NMNAT3: variants seen among roughly 807,000 people sequenced by gnomAD.
NMNAT3 encodes the protein nicotinamide/nicotinic acid mononucleotide adenylyltransferase 3.
A neutral mutation model predicts 24.8 loss-of-function variants in NMNAT3; 21 were observed. That is an observed-to-expected ratio of 0.85 (90% CI 0.60 to 1.22). The LOEUF (loss-of-function observed/expected upper bound fraction) is 1.22. Among genes scored for constraint, NMNAT3 ranks in the 50% most tolerant of loss-of-function variants. The pLI is 0.00. For missense variants in NMNAT3, 387 were observed against 436.6 expected, an observed-to-expected ratio of 0.89 and a Z score of 1.01; for synonymous variants, 136 against 155.2, an observed-to-expected ratio of 0.88 and a Z score of 0.92.
intron 1 of NMNAT3, among the ~76,000 whole-genome samples, chr3:139,645,195 C>A (rs1298166126): frequency 6.6e-6 from 1 of 151,810 alleles, no homozygotes; most frequent in Non-Finnish European, 1.5e-5. Context: ...GAGTGAGACT[C>A]CATCTCAAAA....
At chr3:139,624,451 CT>C (rs112859077) in intron 3 of NMNAT3, among the ~76,000 whole-genome samples, 323 of 141,178 alleles carry the variant, frequency 2.3e-3, no homozygotes, top group Middle Eastern at 3.6e-3. Flanking sequence ...TTTATTGAGA[CT>C]TTTTTTTTTT....
intron 3 of NMNAT3, among the ~76,000 whole-genome samples, chr3:139,607,592 G>T (rs771540733): frequency 6.6e-6 from 1 of 152,088 alleles, no homozygotes; most frequent in Non-Finnish European, 1.5e-5. Flanking sequence ...ATAGAGCCAG[G>T]CTCATTTGTT....
Position 139,578,897 on chromosome 3 carries a change from A to T in NMNAT3, c.550T>A (p.Trp184Arg). 1.2e-6 allele frequency: 2 copies of T among 1,614,030 alleles called. No homozygotes were observed. Among genetic ancestry groups the T allele is most frequent in the Non-Finnish European group, 1.7e-6 (2 of 1,179,980 alleles). The change falls in exon 5 of 7, where the codon TGG becomes AGG. Residue 184 changes from tryptophan to arginine, a missense_variant. Transcript: ENST00000643695. ...CTCAGCACCTTCACTGTCTCCATCC[A>T]CTGTGCCTGCTCACTCTCCCAAGGG...
intron 3 of NMNAT3, among the ~76,000 whole-genome samples, chr3:139,614,147 A>AT (rs2055369710): frequency 6.6e-6 from 1 of 152,126 alleles, no homozygotes; most frequent in South Asian, 2.1e-4. Context: ...AATAATAATA[A>AT]AAAGAGATGC....
chr3:139,579,080 T>G, intron 4 of NMNAT3, 25 bp from the exon 5 acceptor site: 1 of 1,599,964 alleles, frequency 6.3e-7, no homozygotes, highest in Non-Finnish European at 8.5e-7. Context: ...GCAGTGGTGT[T>G]GCACATACAG....
At chr3:139,648,820 C>T (rs543833318) in intron 1 of NMNAT3, among the ~76,000 whole-genome samples, 4 of 152,120 alleles carry the variant, frequency 2.6e-5, no homozygotes, top group South Asian at 4.2e-4. Flanking sequence ...CTACATATAC[C>T]GATGTGGGAG....
intron 3 of NMNAT3, among the ~76,000 whole-genome samples, chr3:139,599,642 T>C (rs1270894556): frequency 6.6e-6 from 1 of 152,244 alleles, no homozygotes; most frequent in Non-Finnish European, 1.5e-5. Context: ...TAAGTGAAGC[T>C]TGGAAAATAT....
intron 3 of NMNAT3, among the ~76,000 whole-genome samples, chr3:139,585,665 G>A (rs1365107568): frequency 6.6e-6 from 1 of 152,170 alleles, no homozygotes; most frequent in African/African-American, 2.4e-5. Flanking sequence ...TCAAATTCCT[G>A]GCTTGAGTTT....
At chr3:139,671,432 A>T (rs1347305715) in intron 1 of NMNAT3, among the ~76,000 whole-genome samples, 3 of 152,246 alleles carry the variant, frequency 2.0e-5, no homozygotes, top group Admixed American at 6.5e-5. Context: ...GAGCATTTTT[A>T]TACAGTGGCT....
chr3:139,610,240 GC>G (rs1304420113), intron 3 of NMNAT3, among the ~76,000 whole-genome samples: 3 of 152,108 alleles, frequency 2.0e-5, no homozygotes, highest in African/African-American at 7.2e-5. Context: ...CTGACCTGGT[GC>G]AGTCAAGTCT....
At chr3:139,658,983 C>T (rs2108417404) in intron 1 of NMNAT3, among the ~76,000 whole-genome samples, 1 of 152,292 alleles carries the variant, frequency 6.6e-6, no homozygotes, top group South Asian at 2.1e-4. Context: ...ACCACAGACA[C>T]ATTTTACCTC....
At chr3:139,590,409 G>A (rs1241185934) in intron 3 of NMNAT3, among the ~76,000 whole-genome samples, 2 of 152,192 alleles carry the variant, frequency 1.3e-5, no homozygotes, top group Non-Finnish European at 2.9e-5. Flanking sequence ...GTGTGAATGG[G>A]AGGGTGGAGG....
At chr3:139,561,455 C>T in intron 6 of NMNAT3, 63 bp from the exon 7 acceptor site, 1 of 1,492,808 alleles carries the variant, frequency 6.7e-7, no homozygotes, top group Non-Finnish European at 9.0e-7. Context: ...AAGACAACAT[C>T]ATTGGAAAGT....
intron 1 of NMNAT3, among the ~76,000 whole-genome samples, chr3:139,644,037 A>G (rs2056792440): frequency 6.6e-6 from 1 of 152,210 alleles, no homozygotes; most frequent in Non-Finnish European, 1.5e-5. Context: ...CAAGAGAATC[A>G]CACATAAATA....
At chr3:139,667,951 C>G (rs1397481365) in intron 1 of NMNAT3, among the ~76,000 whole-genome samples, 2 of 152,150 alleles carry the variant, frequency 1.3e-5, no homozygotes, top group African/African-American at 4.8e-5. Flanking sequence ...GGCTGCTGGA[C>G]ACAGATGTCT....
intron 1 of NMNAT3, among the ~76,000 whole-genome samples, chr3:139,644,973 G>A (rs1273259562): frequency 6.6e-6 from 1 of 152,198 alleles, no homozygotes; most frequent in East Asian, 1.9e-4. Flanking sequence ...GGAGGCCGAG[G>A]TGGATGGATC....
chr3:139,584,036 A>G (rs2053802497), intron 3 of NMNAT3: 1 of 160,704 alleles, frequency 6.2e-6, no homozygotes, highest in Admixed American at 6.2e-5. Flanking sequence ...TCAAAGAACC[A>G]ACTTCTGGCA....
At chr3:139,580,842 T>C (rs1188325740) in intron 4 of NMNAT3, among the ~76,000 whole-genome samples, 3 of 152,024 alleles carry the variant, frequency 2.0e-5, no homozygotes, top group Non-Finnish European at 4.4e-5. Flanking sequence ...ACCGCTTTAA[T>C]CAAGCAATGA....
chr3:139,653,202 GCTC>G lies in NMNAT3; in HGVS notation c.-140-15143_-140-15141del, dbSNP rs555320797. 1.1e-4 allele frequency among the ~76,000 whole-genome samples: 16 copies of G among 152,160 alleles called. No homozygotes were observed. The South Asian group carries it at 3.1e-3, about 30-fold the overall frequency. The stretch of plus-strand genomic sequence containing the variant: ...AAATTACTTATGTTTGGATTAAATG[GCTC>G]CTAAGAGGTCATCCTGTAAATAACA... On this transcript the variant is annotated intron_variant, in intron 1 of 6. Coordinates refer to ENST00000643695, the MANE Select transcript of NMNAT3 (RefSeq NM_001320510.2).
Sources: gnomAD v4.1 joint callset for allele counts (sites outside exome capture counted in the v4.1 genomes callset) on GRCh38, gnomAD v4.1.1 for gene constraint, MANE v1.5 for transcripts, NCBI Gene and HGNC (gene_info 2026-07-23, HGNC 2026-07-21) for gene names.